Variants in COQ6 observed in about 807,000 individuals in gnomAD.
COQ6 encodes coenzyme Q6, monooxygenase.
In COQ6, 45 loss-of-function variants were observed where a neutral mutation model predicts 55.5. The ratio of observed to expected loss-of-function variants is 0.81; its 90% CI spans 0.64 to 1.04. The LOEUF is 1.04. Ranked by LOEUF, COQ6 falls within the 50% of genes least tolerant of loss-of-function variation. The pLI is 0.00. For missense variants in COQ6, 550 were observed against 601.3 expected, an observed-to-expected ratio of 0.91 and a Z score of 0.89; for synonymous variants, 206 against 230.5, an observed-to-expected ratio of 0.89 and a Z score of 0.96.
rs750338458 is a variant in COQ6 at position 73,959,213 on chromosome 14, G to A, written c.772G>A (p.Ala258Thr). The A allele has an allele frequency of 1.2e-6, 2 of 1,614,112 alleles. No individual in the cohort carries two copies. Among genetic ancestry groups the A allele is most frequent in the African/African-American group, 2.7e-5 (2 of 74,934 alleles). ...WQRFLPSGPI[A>T]LLPLSDTLSS... is the part of the protein sequence containing the mutation. ...GAGATTTCTTCCCTCTGGGCCTATT[G>A]CTCTGCTCCCGGTAAGAGGTCCTTC... Residue 258 changes from alanine (A) to threonine (T), a missense_variant, in exon 7 of 12, where the codon GCT becomes ACT. Coordinates refer to ENST00000334571, the MANE Select transcript of COQ6 (RefSeq NM_182476.3).
chr14:73,959,406 T>C lies in COQ6; in HGVS notation c.784-9T>C. Reference sequence around the variant, plus strand: ...CTTAGCCGTTGGTATTGGTGTTCTTTTGACACAGCTCTCAGACACCTTGAG... The same window carrying C: ...CTTAGCCGTTGGTATTGGTGTTCTTCTGACACAGCTCTCAGACACCTTGAG... On this transcript the variant is annotated splice_polypyrimidine_tract_variant and intron_variant, in intron 7 of 11. Transcript: ENST00000334571. 2 of 1,614,098 alleles carry C rather than the reference T, an allele frequency of 1.2e-6. No individual in the cohort carries two copies. Among genetic ancestry groups the C allele is most frequent in the East Asian group, 4.5e-5 (2 of 44,890 alleles).
At position 73,961,923 on chromosome 14, in the gene COQ6, A is replaced by AGT; in HGVS notation, c.1377+20_1377+21insGT. 6.2e-7 allele frequency: 1 copy of AGT among 1,613,784 alleles called. No homozygotes were observed. Among genetic ancestry groups the AGT allele is most frequent in the African/African-American group, 1.3e-5 (1 of 75,012 alleles). On this transcript the variant is annotated intron_variant, in intron 11 of 11. Transcript: ENST00000334571. ...CTCAAAGTAAGAGGTTGCTCAGAGGAATGACTTTGCAAACAGCTCTTAATT... is the reference window on the plus strand; with the variant it reads ...CTCAAAGTAAGAGGTTGCTCAGAGGAGTATGACTTTGCAAACAGCTCTTAATT...
Position 73,963,065 on chromosome 14 carries a change from A to G in COQ6, c.*66A>G, listed in dbSNP as rs1594822179. 2.4e-6 allele frequency: 3 copies of G among 1,241,848 alleles called. No individual in the cohort carries two copies. The highest frequency in any genetic ancestry group is 2.3e-5 in the East Asian group (1 of 43,146). 76.9% of individuals were successfully genotyped at this position (1,241,848 alleles called of 1,614,324 possible). The stretch of plus-strand genomic sequence containing the variant: ...ACATCCTGCCCAGGACCCATCATAC[A>G]TATTTTCAAGATCTTATTTAATTTA... On this transcript the variant is annotated 3_prime_UTR_variant, in exon 12 of 12. Coordinates refer to ENST00000334571, the MANE Select transcript of COQ6 (RefSeq NM_182476.3).
rs201915139 is a variant in COQ6, at chr14:73,959,449, C to T, written c.818C>T (p.Thr273Met). ...ACCTTGAGTTCCTTGGTTTGGTCCA[C>T]GTCCCATGAACATGCAGCAGAGCTA... Reference protein sequence around the residue: ...SDTLSSLVWSTSHEHAAELVS... With the variant: ...SDTLSSLVWSMSHEHAAELVS... Residue 273 changes from threonine (T) to methionine (M), a missense_variant, in exon 8 of 12, where the codon ACG (threonine) becomes ATG (methionine). By Grantham distance (81) the Thr-to-Met change is moderately conservative. Coordinates refer to ENST00000334571, the MANE Select transcript of COQ6 (RefSeq NM_182476.3). 23 of 1,614,164 alleles carry T rather than the reference C, an allele frequency of 1.4e-5. No individual in the cohort carries two copies. Among genetic ancestry groups the T allele is most frequent in the Middle Eastern group, 1.6e-4 (1 of 6,062 alleles).
intron 1 of COQ6, among the ~76,000 whole-genome samples, chr14:73,951,086 T>C (rs1215915577): frequency 6.6e-6 from 1 of 152,130 alleles, no homozygotes; most frequent in Non-Finnish European, 1.5e-5. Flanking sequence ...AGCCTCAACC[T>C]CCCTGGCTGA....
chr14:73,956,846 C>G (rs2056459759), intron 4 of COQ6: 2 of 152,054 alleles, frequency 1.3e-5, no homozygotes, highest in Admixed American at 1.3e-4. Flanking sequence ...GATAGTAGTT[C>G]ATGCAGTGAA....
chr14:73,950,073 C>A (rs770361709), upstream of COQ6: 1 of 1,605,728 alleles, frequency 6.2e-7, no homozygotes, highest in Admixed American at 1.7e-5. Flanking sequence ...ATAGTGGCAG[C>A]AGCGGTGGCA....
In COQ6 at chr14:73,961,167, G is replaced by C. The variant is rs1454566280; in HGVS notation, c.892-6G>C. ...CCTTGTTTGTCTTGTGGCTGATGCT[G>C]CTCAGTGGAGTGATGCTGACCACAC... On this transcript the variant is annotated splice_polypyrimidine_tract_variant and splice_region_variant and intron_variant, in intron 8 of 11. Transcript: ENST00000334571. The C allele has an allele frequency of 6.2e-7, 1 of 1,612,944 alleles. No individual in the cohort carries two copies. The highest frequency in any genetic ancestry group is 1.7e-5 in the Admixed American group (1 of 59,876).
intron 1 of COQ6, 176 bp downstream of exon 1, chr14:73,950,671 T>G (rs2056154237): frequency 1.1e-6 from 1 of 951,190 alleles, no homozygotes; most frequent in East Asian, 2.7e-5. Flanking sequence ...TCCTTCAGGG[T>G]CCATTAGGGT....
chr14:73,960,197 A>G (rs2056648598), intron 8 of COQ6: 1 of 988,516 alleles, frequency 1.0e-6, no homozygotes, highest in Non-Finnish European at 1.2e-6. Flanking sequence ...GAATTTCAGC[A>G]TGGGGCTTAA....
At position 73,961,730 on chromosome 14, in the gene COQ6, C is replaced by T. The variant is rs1555358847; in HGVS notation, c.1211-7C>T. ...ATTAGGGATTTAATCTTTCCTCTGCCCTTCAGGTTCCGTGAGCCACCTCAC... is the reference window on the plus strand; with the variant it reads ...ATTAGGGATTTAATCTTTCCTCTGCTCTTCAGGTTCCGTGAGCCACCTCAC... On this transcript the variant is annotated splice_polypyrimidine_tract_variant and splice_region_variant and intron_variant, in intron 10 of 11. Transcript: ENST00000334571. The T allele has an allele frequency of 6.2e-7, 1 of 1,614,078 alleles. No homozygotes were observed. The highest frequency in any genetic ancestry group is 8.5e-7 in the Non-Finnish European group (1 of 1,179,972).
chr14:73,954,081 T>G (rs2056306266), intron 2 of COQ6, among the ~76,000 whole-genome samples: 1 of 152,232 alleles, frequency 6.6e-6, no homozygotes, highest in Non-Finnish European at 1.5e-5. Context: ...TTCCATCACT[T>G]TCTAGCCCCT....
chr14:73,957,597 C>T (rs914470791), intron 4 of COQ6, among the ~76,000 whole-genome samples: 1 of 152,102 alleles, frequency 6.6e-6, no homozygotes, highest in African/African-American at 2.4e-5. Flanking sequence ...ACCATCACGC[C>T]TGGTTAATTT....
chr14:73,963,100 C>A lies in COQ6; in HGVS notation c.*101C>A. ...GATCTTATTTAATTTAATAAACTTA[C>A]TTTACATTAAAATTCTCTTTTTCTT... On this transcript the variant is annotated 3_prime_UTR_variant, in exon 12 of 12. Coordinates refer to ENST00000334571, the MANE Select transcript of COQ6 (RefSeq NM_182476.3). 1.0e-6 allele frequency: 1 copy of A among 1,004,044 alleles called. No individual in the cohort carries two copies. The highest frequency in any genetic ancestry group is 1.3e-5 in the South Asian group (1 of 75,366). 62.2% of individuals were successfully genotyped at this position (1,004,044 alleles called of 1,614,324 possible).
At chr14:73,960,293 A>G (rs948648878) in intron 8 of COQ6, 33 of 985,850 alleles carry the variant, frequency 3.3e-5, no homozygotes, top group Non-Finnish European at 3.6e-5. Flanking sequence ...TCAAAATGAG[A>G]GAACTTTTGT....
At chr14:73,950,663 C>T (rs1410469138) in intron 1 of COQ6, 168 bp downstream of exon 1, 33 of 1,045,236 alleles carry the variant, frequency 3.2e-5, no homozygotes, top group Non-Finnish European at 4.5e-5. Flanking sequence ...GCGTGTGGTC[C>T]TTCAGGGTCC....
chr14:73,959,388 G>A (rs377459995), intron 7 of COQ6, 27 bp from the exon 8 acceptor site: 9 of 1,614,020 alleles, frequency 5.6e-6, no homozygotes, highest in South Asian at 1.1e-5. Context: ...AGTCTTAGCC[G>A]TTGGTATTGG....
intron 3 of COQ6, 80 bp from the exon 4 acceptor site, chr14:73,955,725 C>T (rs2056401433): frequency 4.4e-6 from 7 of 1,599,558 alleles, no homozygotes; most frequent in Non-Finnish European, 6.0e-6. Flanking sequence ...TGCTCTGTCA[C>T]TTGGGAAAGC....
chr14:73,958,878 CA>C (rs1211615439), intron 5 of COQ6, 92 bp from the exon 6 acceptor site: 99 of 1,565,570 alleles, frequency 6.3e-5, no homozygotes, highest in Middle Eastern at 4.6e-4. Flanking sequence ...ACACAACAAT[CA>C]GAGCTGGAGG....
Sources: gnomAD v4.1 joint callset for allele counts (sites outside exome capture counted in the v4.1 genomes callset) on GRCh38, gnomAD v4.1.1 for gene constraint, MANE v1.5 for transcripts, NCBI Gene and HGNC (gene_info 2026-07-23, HGNC 2026-07-21) for gene names.